Variants in ITGA4 observed in about 807,000 individuals in gnomAD.
ITGA4 encodes integrin alpha-4.
A neutral mutation model predicts 133.6 loss-of-function variants in ITGA4; 63 were observed. That is an observed-to-expected ratio of 0.47 (90% confidence interval 0.38 to 0.58). The LOEUF is 0.58. Ranked by LOEUF, ITGA4 falls within the 20% of genes least tolerant of loss-of-function variation. ITGA4 has a pLI of 0.00. For missense variants in ITGA4, 1,076 were observed against 1,252.7 expected (o/e 0.86, Z 2.13); for synonymous variants, 483 against 438.0 (o/e 1.10, Z -1.28).
intron 25 of ITGA4, among the ~76,000 whole-genome samples, chr2:181,533,161 G>A (rs1014208128): frequency 2.6e-5 from 4 of 152,102 alleles, no homozygotes; most frequent in African/African-American, 7.2e-5. Context: ...GTGGAGTTCT[G>A]TTTTTCAGCT....
At chr2:181,465,651 T>A (rs1452072582) in intron 2 of ITGA4, among the ~76,000 whole-genome samples, 7 of 152,194 alleles carry the variant, frequency 4.6e-5, no homozygotes, top group African/African-American at 1.7e-4. Context: ...CTTTCCTTAT[T>A]TTCTAATGTT....
intron 2 of ITGA4, among the ~76,000 whole-genome samples, chr2:181,459,763 A>G (rs1481693926): frequency 6.6e-6 from 1 of 152,236 alleles, no homozygotes; most frequent in Non-Finnish European, 1.5e-5. Flanking sequence ...TTGGTCTGCC[A>G]GAGGATCTTG....
At chr2:181,529,841 TAG>T (rs1686908157) in intron 23 of ITGA4, among the ~76,000 whole-genome samples, 193 bp downstream of exon 23, 1 of 152,224 alleles carries the variant, frequency 6.6e-6, no homozygotes, top group Non-Finnish European at 1.5e-5. Context: ...TTTAGAACTA[TAG>T]AGTTACAGTG....
chr2:181,506,670 AT>A (rs1253587509), intron 15 of ITGA4, among the ~76,000 whole-genome samples: 2 of 152,092 alleles, frequency 1.3e-5, no homozygotes, highest in Non-Finnish European at 2.9e-5. Flanking sequence ...TACTTCGTTG[AT>A]TTTTATCAAA....
chr2:181,496,098 C>A (rs1686152578), intron 14 of ITGA4, among the ~76,000 whole-genome samples, 161 bp downstream of exon 14: 1 of 152,138 alleles, frequency 6.6e-6, no homozygotes, highest in East Asian at 1.9e-4. Context: ...CTTCCAGATT[C>A]TTGCGTTGTT....
Position 181,527,348 on chromosome 2 carries a change from T to G in ITGA4, c.2391T>G (p.Pro797=), listed in dbSNP as rs1412505112. ...FVYGSNDENE[P]ETCMVEKMNL... is the part of the protein sequence containing the mutation. The stretch of plus-strand genomic sequence containing the variant: ...ATGGATCAAATGATGAAAATGAGCC[T>G]GAAACGTGCATGGTGGAGAAAATGA... The change falls in exon 22 of 28, where the codon CCT becomes CCG. Residue 797 remains proline, a synonymous_variant. Transcript: ENST00000397033. 6.2e-7 allele frequency: 1 copy of G among 1,613,096 alleles called. No homozygotes were observed. Among genetic ancestry groups the G allele is most frequent in the Admixed American group, 1.7e-5 (1 of 60,010 alleles).
At chr2:181,508,770 A>G (rs561439270) in intron 15 of ITGA4, among the ~76,000 whole-genome samples, 77 of 152,210 alleles carry the variant, frequency 5.1e-4, no homozygotes, top group African/African-American at 1.6e-3. Context: ...ACCAGTGTAT[A>G]CAATTAGATG....
At chr2:181,533,400 T>C (rs1420397261) in intron 25 of ITGA4, among the ~76,000 whole-genome samples, 1 of 152,238 alleles carries the variant, frequency 6.6e-6, no homozygotes, top group African/African-American at 2.4e-5. Context: ...ATTTAACCTT[T>C]TGCAGTTTGC....
In ITGA4 at chr2:181,480,284, A is replaced by G. The variant is rs781765565; in HGVS notation, c.754+18A>G. ...TTATTTAGGTACTATAAAAATTGAC[A>G]AACTTAAATGATCTGTGCCTTACAA... On this transcript the variant is annotated intron_variant, in intron 6 of 27. Coordinates refer to ENST00000397033, the MANE Select transcript of ITGA4 (RefSeq NM_000885.6). 1.5e-6 allele frequency: 2 copies of G among 1,324,102 alleles called. No individual in the cohort carries two copies. Among genetic ancestry groups the G allele is most frequent in the Middle Eastern group, 2.8e-4 (1 of 3,634 alleles). The allele number at this position is 1,324,102 out of a possible 1,614,324, so 82.0% of individuals were successfully genotyped here. A position where few individuals can be genotyped will look rare whatever the true frequency, so the allele number is the denominator to read the frequency against.
chr2:181,465,349 G>T (rs1257637391), intron 2 of ITGA4, among the ~76,000 whole-genome samples: 1 of 151,914 alleles, frequency 6.6e-6, no homozygotes, highest in Non-Finnish European at 1.5e-5. Context: ...TTCCTCACTG[G>T]TTTTTCTCAT....
intron 17 of ITGA4, among the ~76,000 whole-genome samples, chr2:181,519,473 AGAG>A (rs370446391): frequency 7.4e-4 from 112 of 152,308 alleles, no homozygotes; most frequent in Admixed American, 5.4e-3. Flanking sequence ...ATAGAAAAAA[AGAG>A]GAAGAATTTT....
Position 181,537,620 on chromosome 2 carries a change from A to ATTGATGAGCTCAAAT in ITGA4, c.*2094_*2108dup. 2.3e-6 allele frequency: 1 copy of ATTGATGAGCTCAAAT among 432,204 alleles called. No homozygotes were observed. The highest frequency in any genetic ancestry group is 7.7e-4 in the Middle Eastern group (1 of 1,302). The allele number at this position is 432,204 out of a possible 1,614,324, so 26.8% of individuals were successfully genotyped here. ...AACAGAATATAGGAAATTTAACATAATTGATGAGCTCAAATCCTGAAAAAT... is the reference window on the plus strand; with the variant it reads ...AACAGAATATAGGAAATTTAACATAATTGATGAGCTCAAATTTGATGAGCTCAAATCCTGAAAAAT... On this transcript the variant is annotated 3_prime_UTR_variant, in exon 28 of 28. Coordinates refer to ENST00000397033, the MANE Select transcript of ITGA4 (RefSeq NM_000885.6).
chr2:181,505,636 C>T (rs911747941), intron 15 of ITGA4, among the ~76,000 whole-genome samples: 1 of 151,986 alleles, frequency 6.6e-6, no homozygotes, highest in African/African-American at 2.4e-5. Flanking sequence ...TTAGGTGGAG[C>T]TGTTAAAGTT....
chr2:181,507,700 T>C (rs1452403191), intron 15 of ITGA4, among the ~76,000 whole-genome samples: 1 of 152,116 alleles, frequency 6.6e-6, no homozygotes, highest in Non-Finnish European at 1.5e-5. Context: ...TTATAACATG[T>C]AATACAATGT....
rs202175130 is a variant in ITGA4 at position 181,457,558 on chromosome 2, A to G, written c.-97A>G. 5.4e-6 allele frequency: 6 copies of G among 1,119,486 alleles called. No homozygotes were observed. Among genetic ancestry groups the G allele is most frequent in the Non-Finnish European group, 7.6e-6 (6 of 788,018 alleles). 69.3% of individuals were successfully genotyped at this position (1,119,486 alleles called of 1,614,324 possible). A position where few individuals can be genotyped will look rare whatever the true frequency, so the allele number is the denominator to read the frequency against. ...GCTGGCGCCGGACACGCTGCGCCTC[A>G]TCTCTTGGGGCGTTCTTCCCCGTTG... On this transcript the variant is annotated 5_prime_UTR_variant, in exon 1 of 28. Coordinates refer to ENST00000397033, the MANE Select transcript of ITGA4 (RefSeq NM_000885.6).
Position 181,527,336 on chromosome 2 carries a change from T to A in ITGA4, c.2379T>A (p.Asp793Glu). The A allele has an allele frequency of 6.2e-7, 1 of 1,613,144 alleles. No individual in the cohort carries two copies. Among genetic ancestry groups the A allele is most frequent in the Non-Finnish European group, 8.5e-7 (1 of 1,179,204 alleles). ...CTTCATTTGTGTATGGATCAAATGA[T>A]GAAAATGAGCCTGAAACGTGCATGG... is the stretch of plus-strand genomic sequence containing the variant. Reference protein sequence around the residue: ...NPTSFVYGSNDENEPETCMVE... With the variant: ...NPTSFVYGSNEENEPETCMVE... Residue 793 changes from aspartate to glutamate, a missense_variant, in exon 22 of 28, where the codon GAT (aspartate) becomes GAA (glutamate). Physicochemically the swap from Asp to Glu is conservative, Grantham distance 45 (BLOSUM62 2). This residue lies in a region of ITGA4 where 365 missense variants were observed against 421.4 expected (regional missense o/e 0.87). Transcript: ENST00000397033.
chr2:181,498,507 G>C (rs1686203340), intron 14 of ITGA4, 116 bp from the exon 15 acceptor site: 1 of 515,212 alleles, frequency 1.9e-6, no homozygotes, highest in Non-Finnish European at 3.3e-6. Flanking sequence ...GTTTAATAAA[G>C]AGAATTCCAG....
chr2:181,490,617 T>G (rs994213277), intron 10 of ITGA4, among the ~76,000 whole-genome samples: 2 of 151,830 alleles, frequency 1.3e-5, no homozygotes, highest in Non-Finnish European at 2.9e-5. Flanking sequence ...TGTTAATGAG[T>G]CTATAGAGCA....
At chr2:181,527,458 A>T in intron 22 of ITGA4, 71 bp downstream of exon 22, 1 of 1,029,428 alleles carries the variant, frequency 9.7e-7, no homozygotes, top group Non-Finnish European at 1.5e-6. Flanking sequence ...GCTCCAAGGG[A>T]CATTGTACAC....
Sources: allele counts gnomAD v4.1 joint callset (sites outside exome capture counted in the v4.1 genomes callset), GRCh38; gene constraint gnomAD v4.1.1; regional missense constraint gnomAD v4.1.1; transcripts MANE v1.5; gene names NCBI Gene and HGNC (gene_info 2026-07-23, HGNC 2026-07-21).